The following IER3IP1 variants were observed in gnomAD, a reference collection of about 807,000 sequenced individuals.
The protein encoded by IER3IP1 is immediate early response 3-interacting protein 1.
A neutral mutation model predicts 12.2 loss-of-function variants in IER3IP1; 16 were observed. That is an observed-to-expected ratio of 1.31 (90% CI 0.89 to 1.99). The LOEUF (loss-of-function observed/expected upper bound fraction) is 1.99. Among genes scored for constraint, IER3IP1 ranks in the 30% most tolerant of loss-of-function variants. The pLI is 0.00. For missense variants in IER3IP1, 95 were observed against 95.8 expected (o/e 0.99, Z 0.03); for synonymous variants, 42 against 40.0 (o/e 1.05, Z -0.19).
chr18:47,169,176 T>C (rs2064007002), intron 1 of IER3IP1, among the ~76,000 whole-genome samples: 1 of 152,240 alleles, frequency 6.6e-6, no homozygotes. Context: ...GTCTTTCTTA[T>C]AAACAGTATC....
intron 1 of IER3IP1, among the ~76,000 whole-genome samples, chr18:47,168,125 C>CAAAAAA (rs1161198067): frequency 4.0e-5 from 1 of 25,164 alleles, no homozygotes; most frequent in African/African-American, 1.7e-4. Context: ...GACTCCGTCT[C>CAAAAAA]AAAAAAAAAA....
chr18:47,168,474 T>C (rs753938114), intron 1 of IER3IP1, among the ~76,000 whole-genome samples: 4 of 152,172 alleles, frequency 2.6e-5, no homozygotes, highest in Non-Finnish European at 4.4e-5. Flanking sequence ...AAGATAGCAA[T>C]ATAGATTAGT....
intron 1 of IER3IP1, among the ~76,000 whole-genome samples, chr18:47,174,211 T>C (rs760235088): frequency 2.4e-4 from 37 of 152,194 alleles, no homozygotes; most frequent in Non-Finnish European, 5.0e-4. Context: ...ACTTTCTACC[T>C]GTGTGTTCTT....
At position 47,172,245 on chromosome 18, in the gene IER3IP1, A is replaced by T. The variant is rs770078561; in HGVS notation, c.91+3942T>A. Among the ~76,000 whole-genome samples the T allele has an allele frequency of 4.6e-5, 7 of 152,112 alleles. No homozygotes were observed. Among genetic ancestry groups the T allele is most frequent in the African/African-American group, 9.7e-5 (4 of 41,402 alleles). ...AAAAACAAAACCACCACCATAAAAC[A>T]CACCCCCATATCCCTTCAAGCTACC... On this transcript the variant is annotated intron_variant, in intron 1 of 2. Transcript: ENST00000256433. The surrounding 1 kb of genome is among the most constrained non-coding windows in gnomAD (Gnocchi z 4.0).
chr18:47,175,520 A>C (rs1026560544), intron 1 of IER3IP1, among the ~76,000 whole-genome samples: 2 of 152,054 alleles, frequency 1.3e-5, no homozygotes, highest in Non-Finnish European at 2.9e-5. Context: ...CTGGAGTGCA[A>C]TGGCGCAATC....
At chr18:47,157,670 AAAC>A in intron 1 of IER3IP1, 133 bp from the exon 2 acceptor site, 5 of 773,412 alleles carry the variant, frequency 6.5e-6, no homozygotes, top group South Asian at 1.5e-5. Flanking sequence ...AGAAAAGTTA[AAAC>A]AATAATGAGT....
intron 1 of IER3IP1, among the ~76,000 whole-genome samples, chr18:47,166,725 A>G (rs2063997092): frequency 6.6e-6 from 1 of 152,190 alleles, no homozygotes; most frequent in African/African-American, 2.4e-5. Context: ...TGCTACAAAA[A>G]TCTATGCTTG....
intron 1 of IER3IP1, among the ~76,000 whole-genome samples, chr18:47,160,202 A>T (rs1041319599): frequency 6.6e-6 from 1 of 151,746 alleles, no homozygotes; most frequent in African/African-American, 2.4e-5. Context: ...TCTCAAAAAA[A>T]AAAAAAAGTT....
chr18:47,176,125 T>G, intron 1 of IER3IP1, 62 bp downstream of exon 1: 1 of 1,381,624 alleles, frequency 7.2e-7, no homozygotes, highest in Non-Finnish European at 1.0e-6. Flanking sequence ...GCGGCCCCAT[T>G]AGGTTACGCG....
chr18:47,174,476 C>T (rs1355786296), intron 1 of IER3IP1, among the ~76,000 whole-genome samples: 3 of 152,120 alleles, frequency 2.0e-5, no homozygotes, highest in Non-Finnish European at 4.4e-5. Context: ...CGAGACCAGC[C>T]TGACCAACAT....
intron 1 of IER3IP1, among the ~76,000 whole-genome samples, chr18:47,175,780 C>T (rs75215341): frequency 0.052 from 7,949 of 151,840 alleles, 253 homozygotes; most frequent in East Asian, 0.09. Context: ...CAACTCTTAG[C>T]CCGAAACTCA....
rs764154266 is a variant in IER3IP1 at position 47,154,250 on chromosome 18, G to C, written c.*1927C>G. 5 of 152,156 alleles carry C rather than the reference G, an allele frequency of 3.3e-5. No homozygotes were observed. The highest frequency in any genetic ancestry group is 7.3e-5 in the Non-Finnish European group (5 of 68,052). 9.4% of individuals were successfully genotyped at this position (152,156 alleles called of 1,614,324 possible). A position where few individuals can be genotyped will look rare whatever the true frequency, so the allele number is the denominator to read the frequency against. Reference sequence around the variant, plus strand: ...GTTTACTGAATCACAACTGCTCTGGGGAAACCAGGGCTGACCAGTGAAAGC... The same window carrying C: ...GTTTACTGAATCACAACTGCTCTGGCGAAACCAGGGCTGACCAGTGAAAGC... On this transcript the variant is annotated 3_prime_UTR_variant, in exon 3 of 3. Transcript: ENST00000256433.
At chr18:47,156,611 T>C (rs1218394854) in intron 2 of IER3IP1, among the ~76,000 whole-genome samples, 1 of 152,188 alleles carries the variant, frequency 6.6e-6, no homozygotes, top group African/African-American at 2.4e-5. Context: ...GTCATTTTAC[T>C]ACATTAAAAA....
chr18:47,169,051 T>C (rs974633578), intron 1 of IER3IP1, among the ~76,000 whole-genome samples: 3 of 152,166 alleles, frequency 2.0e-5, no homozygotes, highest in South Asian at 2.1e-4. Flanking sequence ...AAAGAAACCC[T>C]GTACACATTG....
chr18:47,159,151 A>C (rs919435874), intron 1 of IER3IP1, among the ~76,000 whole-genome samples: 1 of 152,196 alleles, frequency 6.6e-6, no homozygotes, highest in Non-Finnish European at 1.5e-5. Flanking sequence ...ATTCACAAAG[A>C]GGTCAAAAAG....
At chr18:47,171,643 A>G (rs2064015739) in intron 1 of IER3IP1, among the ~76,000 whole-genome samples, 1 of 151,764 alleles carries the variant, frequency 6.6e-6, no homozygotes, top group Admixed American at 6.6e-5. Flanking sequence ...TAATTCTAGT[A>G]TTTTTCTACT....
rs1261113222 is a variant in IER3IP1 at position 47,156,080 on chromosome 18, A to G, written c.*97T>C. 4 of 809,242 alleles carry G rather than the reference A, an allele frequency of 4.9e-6. No homozygotes were observed. In the African/African-American group the frequency reaches 6.8e-5, roughly 14 times the overall value. 50.1% of individuals were successfully genotyped at this position (809,242 alleles called of 1,614,324 possible). A position where few individuals can be genotyped will look rare whatever the true frequency, so the allele number is the denominator to read the frequency against. On this transcript the variant is annotated 3_prime_UTR_variant, in exon 3 of 3. Transcript: ENST00000256433. ...CAGCTTTACATTTTTGACAAGTGCA[A>G]GGTCAGCCAGCTAAGATATAAATAT...
intron 1 of IER3IP1, among the ~76,000 whole-genome samples, chr18:47,171,252 A>G (rs1296775669): frequency 1.3e-5 from 2 of 152,162 alleles, no homozygotes; most frequent in African/African-American, 2.4e-5. Flanking sequence ...AATCTCTTTT[A>G]TAGGTTGCTA....
intron 1 of IER3IP1, among the ~76,000 whole-genome samples, chr18:47,158,969 T>A (rs967239533): frequency 4.2e-4 from 64 of 151,910 alleles, no homozygotes; most frequent in East Asian, 1.6e-3. Flanking sequence ...AAATTAAAAA[T>A]TTTTTTTAAA....
Sources: allele counts gnomAD v4.1 joint callset (sites outside exome capture counted in the v4.1 genomes callset), GRCh38; gene constraint gnomAD v4.1.1; non-coding constraint Gnocchi (gnomAD v3.1); transcripts MANE v1.5; gene names NCBI Gene and HGNC (gene_info 2026-07-23, HGNC 2026-07-21).